Variants in CDH18 observed in about 807,000 individuals in gnomAD.
CDH18 encodes cadherin 18.
A neutral mutation model predicts 67.9 loss-of-function variants in CDH18; 31 were observed. The observed-to-expected ratio is 0.46, with a 90% CI of 0.34 to 0.62. The LOEUF is 0.62. CDH18 is among the 20% of genes least tolerant of loss of function. CDH18 has a pLI of 0.01. For missense variants in CDH18, 890 were observed against 975.5 expected (o/e 0.91, Z 1.17); for synonymous variants, 362 against 347.2 (o/e 1.04, Z -0.48).
Position 19,780,801 on chromosome 5 carries a change from T to G in CDH18, c.229-33565A>C, listed in dbSNP as rs1775024323. On this transcript the variant is annotated intron_variant, in intron 3 of 12. Coordinates refer to ENST00000382275, the MANE Select transcript of CDH18 (RefSeq NM_004934.5). ...ATGGCCACAATTTTCAGATTTTTAA[T>G]AATGCCTCCTTACTTTCAAGTCAGA... is the stretch of plus-strand genomic sequence containing the variant. Among the ~76,000 whole-genome samples the G allele has an allele frequency of 2.0e-5, 3 of 152,144 alleles. No individual in the cohort carries two copies. In the South Asian group the frequency reaches 6.2e-4, roughly 31 times the overall value.
At chr5:20,280,952 T>C (rs1478342184) in intron 1 of CDH18, among the ~76,000 whole-genome samples, 2 of 152,232 alleles carry the variant, frequency 1.3e-5, no homozygotes, top group East Asian at 1.9e-4. Flanking sequence ...ATTTCTCTGA[T>C]GGCCAGTGAT....
intron 8 of CDH18, among the ~76,000 whole-genome samples, chr5:19,553,709 C>T (rs1255519069): frequency 2.7e-5 from 4 of 147,554 alleles, no homozygotes; most frequent in Non-Finnish European, 4.4e-5. Flanking sequence ...AGCAGGAACA[C>T]GACTCATTGC....
At chr5:20,312,821 G>A (rs1305212440) in intron 1 of CDH18, among the ~76,000 whole-genome samples, 2 of 151,796 alleles carry the variant, frequency 1.3e-5, no homozygotes, top group South Asian at 4.2e-4. Context: ...AAATCTGAAG[G>A]CTATTCACCA....
At chr5:20,042,808 A>G (rs1740551102) in intron 2 of CDH18, among the ~76,000 whole-genome samples, 1 of 151,978 alleles carries the variant, frequency 6.6e-6, no homozygotes, top group Non-Finnish European at 1.5e-5. Flanking sequence ...CTAAAAATAC[A>G]AAAATTAGCC....
In CDH18 at chr5:20,307,129, C is replaced by G. The variant is rs78312158; in HGVS notation, c.-579-51624G>C. ...GATAAATTATATAATATAATGAGAT[C>G]TAAGGCAGTATGTGCATGGCAACTT... On this transcript the variant is annotated intron_variant, in intron 1 of 14. Coordinates refer to the CDH18 transcript ENST00000507958. Among the ~76,000 whole-genome samples, 989 of 152,072 alleles carry G rather than the reference C, an allele frequency of 6.5e-3. 7 individuals are homozygous for G. Among genetic ancestry groups the G allele is most frequent in the Non-Finnish European group, 9.6e-3 (651 of 67,990 alleles).
At chr5:19,946,472 C>A (rs746538962) in intron 2 of CDH18, among the ~76,000 whole-genome samples, 2 of 152,224 alleles carry the variant, frequency 1.3e-5, no homozygotes, top group East Asian at 1.9e-4. Context: ...GTTTTTTAGA[C>A]CCTATTTCCC....
intron 1 of CDH18, among the ~76,000 whole-genome samples, chr5:20,486,064 T>C (rs1223494695): frequency 6.6e-6 from 1 of 152,204 alleles, no homozygotes; most frequent in Non-Finnish European, 1.5e-5. Flanking sequence ...AGAGTTGCTG[T>C]ACCAGCGTGG....
At chr5:20,393,249 T>C (rs1018868491) in intron 1 of CDH18, among the ~76,000 whole-genome samples, 2 of 151,974 alleles carry the variant, frequency 1.3e-5, no homozygotes, top group Non-Finnish European at 2.9e-5. Context: ...GATGCAATGC[T>C]TTTTCAGTGG....
chr5:20,369,117 C>G (rs1742764344), intron 1 of CDH18, among the ~76,000 whole-genome samples: 2 of 151,622 alleles, frequency 1.3e-5, no homozygotes, highest in South Asian at 4.1e-4. Context: ...TTTAGAAATC[C>G]CGGAAAATTG....
chr5:20,044,140 G>A (rs1017559049), intron 2 of CDH18, among the ~76,000 whole-genome samples: 1 of 149,248 alleles, frequency 6.7e-6, no homozygotes, highest in African/African-American at 2.4e-5. Flanking sequence ...TTTTACAGTG[G>A]TGATTTTTGT....
chr5:19,484,562 G>C (rs347751), intron 11 of CDH18, among the ~76,000 whole-genome samples: 109 of 152,162 alleles, frequency 7.2e-4, no homozygotes, highest in African/African-American at 2.6e-3. Flanking sequence ...TCCTGTTGCC[G>C]TAGCTATAGA....
At chr5:19,670,280 T>C (rs1758562411) in intron 5 of CDH18, among the ~76,000 whole-genome samples, 1 of 151,856 alleles carries the variant, frequency 6.6e-6, no homozygotes. Context: ...AAATGAAGAG[T>C]AAAATAAATT....
chr5:20,075,937 A>ACAAT (rs1263900538), intron 2 of CDH18, among the ~76,000 whole-genome samples: 1 of 152,196 alleles, frequency 6.6e-6, no homozygotes, highest in Non-Finnish European at 1.5e-5. Context: ...GAATTAAAAA[A>ACAAT]CAATCTAGGG....
At position 20,279,725 on chromosome 5, in the gene CDH18, A is replaced by AAAAAAAAAAAAAAC. The variant is rs59764100; in HGVS notation, c.-579-24221_-579-24220insGTTTTTTTTTTTTT. Among the ~76,000 whole-genome samples the AAAAAAAAAAAAAAC allele has an allele frequency of 8.5e-4, 109 of 128,852 alleles. 1 individual carries two copies. Among genetic ancestry groups the AAAAAAAAAAAAAAC allele is most frequent in the East Asian group, 2.4e-3 (10 of 4,224 alleles). 84.5% of individuals were successfully genotyped at this position (128,852 alleles called of 152,430 possible). A position where few individuals can be genotyped will look rare whatever the true frequency, so the allele number is the denominator to read the frequency against. Reference sequence around the variant, plus strand: ...AAAAAAAAAAAAAAAAAAAAAAAAAAAAAGCAAAAACTGTAAGAGCGAGAT... The same window carrying AAAAAAAAAAAAAAC: ...AAAAAAAAAAAAAAAAAAAAAAAAAAAAAAAAAAAAAAACAAAGCAAAAACTGTAAGAGCGAGAT... On this transcript the variant is annotated intron_variant, in intron 1 of 14. Coordinates refer to the CDH18 transcript ENST00000507958.
chr5:19,820,446 C>A (rs975340254), intron 3 of CDH18, among the ~76,000 whole-genome samples: 1 of 152,138 alleles, frequency 6.6e-6, no homozygotes, highest in Non-Finnish European at 1.5e-5. Context: ...AGCTACACAC[C>A]AATGGCACCA....
intron 7 of CDH18, among the ~76,000 whole-genome samples, chr5:19,578,558 C>A (rs187004482): frequency 5.3e-5 from 8 of 150,990 alleles, no homozygotes; most frequent in Admixed American, 2.0e-4. Context: ...TTTAAACTTT[C>A]CTTCCAAAAA....
intron 11 of CDH18, among the ~76,000 whole-genome samples, chr5:19,500,790 C>T (rs1479434540): frequency 6.6e-6 from 1 of 152,038 alleles, no homozygotes; most frequent in Non-Finnish European, 1.5e-5. Flanking sequence ...TGAGTTCTGA[C>T]ACTAGTAATG....
intron 2 of CDH18, among the ~76,000 whole-genome samples, chr5:20,016,649 T>C (rs76990932): frequency 6.6e-6 from 1 of 152,292 alleles, no homozygotes; most frequent in East Asian, 1.9e-4. Context: ...CATGAAAGTA[T>C]GTACAGAGAG....
intron 5 of CDH18, among the ~76,000 whole-genome samples, chr5:19,677,260 C>A (rs146218877): frequency 6.6e-6 from 1 of 151,966 alleles, no homozygotes; most frequent in Non-Finnish European, 1.5e-5. Flanking sequence ...TTTCAGTATT[C>A]TTAAAGAAAA....
Sources: gnomAD v4.1 joint callset for allele counts (sites outside exome capture counted in the v4.1 genomes callset) on GRCh38, gnomAD v4.1.1 for gene constraint, MANE v1.5 for transcripts, NCBI Gene and HGNC (gene_info 2026-07-23, HGNC 2026-07-21) for gene names.